The following SLPI variants were observed in gnomAD, a reference collection of about 807,000 sequenced individuals.
SLPI encodes the protein secretory leukocyte peptidase inhibitor.
Under a neutral mutation model 14.3 loss-of-function variants are expected in SLPI, and 20 were observed. That is an observed-to-expected ratio of 1.40 (90% confidence interval 0.99 to 2.04). The LOEUF is 2.04. Ranked by LOEUF, SLPI falls within the 30% of genes most tolerant of loss-of-function variation. The pLI, the probability that SLPI is intolerant of heterozygous loss-of-function variation, is 0.00. For missense variants in SLPI, 169 were observed against 159.4 expected (o/e 1.06, Z -0.32); for synonymous variants, 68 against 54.8 (o/e 1.24, Z -1.07).
At chr20:45,253,224 T>G in intron 2 of SLPI, 73 bp from the exon 3 acceptor site, 1 of 1,535,684 alleles carries the variant, frequency 6.5e-7, no homozygotes, top group East Asian at 2.3e-5. Flanking sequence ...CTTTTTAGAG[T>G]GAGCCCCTGC....
intron 2 of SLPI, 105 bp from the exon 3 acceptor site, chr20:45,253,256 C>G: frequency 7.6e-7 from 1 of 1,320,110 alleles, no homozygotes; most frequent in Non-Finnish European, 1.0e-6. Flanking sequence ...CAGGGGGGAT[C>G]ATCCCCTCCC....
Position 45,253,096 on chromosome 20 carries a change from G to A in SLPI, c.300C>T (p.Asn100=), listed in dbSNP as rs776019233. The A allele has an allele frequency of 2.2e-5, 36 of 1,614,072 alleles. No individual in the cohort carries two copies. In the East Asian group the frequency reaches 7.4e-4, roughly 33 times the overall value. Residue 100 remains asparagine, a synonymous_variant, in exon 3 of 4, where the codon AAC becomes AAT. Coordinates refer to ENST00000338380, the MANE Select transcript of SLPI (RefSeq NM_003064.4). ...PVTYGQCLML[N]PPNFCEMDGQ... Reference sequence around the variant, plus strand: ...CATCCATCTCACAGAAATTGGGGGGGTTAAGCATCAAACATTGGCCATAAG... The same window carrying A: ...CATCCATCTCACAGAAATTGGGGGGATTAAGCATCAAACATTGGCCATAAG...
At chr20:45,253,550 C>G in intron 2 of SLPI, 25 bp downstream of exon 2, 1 of 1,606,472 alleles carries the variant, frequency 6.2e-7, no homozygotes, top group South Asian at 1.1e-5. Flanking sequence ...TCACTCCTCT[C>G]TACCCAGTTC....
chr20:45,253,000 AC>A lies in SLPI; in HGVS notation c.394+1del. The A allele has an allele frequency of 6.2e-7, 1 of 1,613,726 alleles. No individual in the cohort carries two copies. Among genetic ancestry groups the A allele is most frequent in the Non-Finnish European group, 8.5e-7 (1 of 1,179,802 alleles). On this transcript the variant is annotated splice_donor_variant, in intron 3 of 3. Coordinates refer to ENST00000338380, the MANE Select transcript of SLPI (RefSeq NM_003064.4). LOFTEE classifies it high-confidence loss of function. ...CTCAGTGTGCCCTCATCCCCTGCTT[AC>A]CTTTCACAGGGGAAACGCAGGATTT...
rs568492528 is a variant in SLPI at position 45,253,563 on chromosome 20, C to T, written c.244+12G>A. ...GCTCACTCCTCTCTACCCAGTTCCCCGACCTGCTTACTTGGGTTTGGGGTG... is the reference window on the plus strand; with the variant it reads ...GCTCACTCCTCTCTACCCAGTTCCCTGACCTGCTTACTTGGGTTTGGGGTG... On this transcript the variant is annotated intron_variant, in intron 2 of 3. Coordinates refer to ENST00000338380, the MANE Select transcript of SLPI (RefSeq NM_003064.4). 60 of 1,610,778 alleles carry T rather than the reference C, an allele frequency of 3.7e-5. 1 individual carries two copies. The highest frequency in any genetic ancestry group is 1.1e-4 in the East Asian group (5 of 44,858).
At chr20:45,252,884 G>A (rs1984700937) in intron 3 of SLPI, 118 bp downstream of exon 3, 1 of 1,089,740 alleles carries the variant, frequency 9.2e-7, no homozygotes, top group African/African-American at 1.6e-5. Context: ...AAGGGAGTCA[G>A]ACAGAGGCTG....
chr20:45,253,893 T>A (rs1160438190), intron 1 of SLPI, among the ~76,000 whole-genome samples, 160 bp from the exon 2 acceptor site: 1 of 152,076 alleles, frequency 6.6e-6, no homozygotes, highest in Non-Finnish European at 1.5e-5. Context: ...GGTGTATTGA[T>A]GGGCTTGATT....
In SLPI at chr20:45,254,198, T is replaced by TGAGAGAGAGA. The variant is rs144801825; in HGVS notation, c.85+251_85+260dup. On this transcript the variant is annotated intron_variant, in intron 1 of 3. Transcript: ENST00000338380. ...GACAGGTGAAGAAGAAGGCGGAGTA[T>TGAGAGAGAGA]GAGAGAGAGAGAGAGAGAGAGAGAG... is the stretch of plus-strand genomic sequence containing the variant. Among the ~76,000 whole-genome samples the TGAGAGAGAGA allele has an allele frequency of 3.0e-3, 401 of 135,418 alleles. 2 individuals carry two copies. The highest frequency in any genetic ancestry group is 6.2e-3 in the South Asian group (25 of 4,014). The allele number at this position is 135,418 out of a possible 152,430, so 88.8% of individuals were successfully genotyped here. A position where few individuals can be genotyped will look rare whatever the true frequency, so the allele number is the denominator to read the frequency against.
rs1178769006 is a variant in SLPI at position 45,254,454 on chromosome 20, C to T, written c.85+5G>A. Reference sequence around the variant, plus strand: ...CCAGATTAGACCAGAGTGACTCCAACTTACACTTTCCAGAGCCTTCCACAG... The same window carrying T: ...CCAGATTAGACCAGAGTGACTCCAATTTACACTTTCCAGAGCCTTCCACAG... On this transcript the variant is annotated splice_donor_5th_base_variant and intron_variant, in intron 1 of 3. Transcript: ENST00000338380. 1.2e-5 allele frequency: 19 copies of T among 1,613,784 alleles called. No individual in the cohort carries two copies. The highest frequency in any genetic ancestry group is 4.5e-5 in the East Asian group (2 of 44,894).
At chr20:45,252,980 T>C in intron 3 of SLPI, 22 bp downstream of exon 3, 3 of 1,611,028 alleles carry the variant, frequency 1.9e-6, no homozygotes, top group Non-Finnish European at 2.5e-6. Context: ...GGGAGCTCAG[T>C]GTGCCCTCAT....
At position 45,253,770 on chromosome 20, in the gene SLPI, G is replaced by C. The variant is rs901742049; in HGVS notation, c.86-37C>G. 5 of 1,597,538 alleles carry C rather than the reference G, an allele frequency of 3.1e-6. No homozygotes were observed. The African/African-American group carries it at 5.4e-5, about 17-fold the overall frequency. ...AAAGTCAAGAGGTCAGGAGGAGGCT[G>C]GGTACTGAGGACCCATCATGCCTCC... On this transcript the variant is annotated intron_variant, in intron 1 of 3. Transcript: ENST00000338380.
Position 45,253,078 on chromosome 20 carries a change from C to T in SLPI, c.318G>A (p.Glu106=), listed in dbSNP as rs1984709036. Residue 106 remains glutamate, a synonymous_variant, in exon 3 of 4, where the codon GAG becomes GAA. Coordinates refer to ENST00000338380, the MANE Select transcript of SLPI (RefSeq NM_003064.4). ...AGTCACGCTTGCACTGGCCATCCAT[C>T]TCACAGAAATTGGGGGGGTTAAGCA... ...CLMLNPPNFC[E]MDGQCKRDLK... The T allele has an allele frequency of 1.9e-6, 3 of 1,614,228 alleles. No homozygotes were observed. Among genetic ancestry groups the T allele is most frequent in the Non-Finnish European group, 2.5e-6 (3 of 1,180,032 alleles).
chr20:45,253,271 T>C (rs528203074), intron 2 of SLPI, 120 bp from the exon 3 acceptor site: 2 of 1,196,392 alleles, frequency 1.7e-6, no homozygotes, highest in Admixed American at 2.3e-5. Context: ...CCTCCCCACC[T>C]CTATCACCAC....
chr20:45,253,819 G>C, intron 1 of SLPI, 86 bp from the exon 2 acceptor site: 1 of 1,271,308 alleles, frequency 7.9e-7, no homozygotes, highest in Non-Finnish European at 1.1e-6. Context: ...ACTTTTGAGG[G>C]GGAGAGACCC....
intron 2 of SLPI, 40 bp from the exon 3 acceptor site, chr20:45,253,191 T>TTA: frequency 6.2e-7 from 1 of 1,600,008 alleles, no homozygotes; most frequent in Non-Finnish European, 8.5e-7. Context: ...GCCTTGTACT[T>TTA]TATACAACCC....
intron 2 of SLPI, 80 bp downstream of exon 2, chr20:45,253,495 G>T: frequency 7.3e-7 from 1 of 1,364,636 alleles, no homozygotes; most frequent in Non-Finnish European, 1.0e-6. Context: ...AGGCCTGGCA[G>T]GACCCATCAC....
Position 45,252,477 on chromosome 20 carries a change from A to T in SLPI, c.395-58T>A. 1.9e-6 allele frequency: 3 copies of T among 1,589,714 alleles called. No homozygotes were observed. In the Admixed American group the frequency reaches 5.0e-5, roughly 27 times the overall value. ...TAGAAACCAGCCAAATCATATCCAC[A>T]TCCTTCCTCCTGCCCAAGGATCCTT... is the stretch of plus-strand genomic sequence containing the variant. On this transcript the variant is annotated intron_variant, in intron 3 of 3. Transcript: ENST00000338380.
In SLPI at chr20:45,253,876, A is replaced by T. The variant is rs969406645; in HGVS notation, c.86-143T>A. On this transcript the variant is annotated intron_variant, in intron 1 of 3. Coordinates refer to ENST00000338380, the MANE Select transcript of SLPI (RefSeq NM_003064.4). ...AAGCCCAAAGGGTCATGCCTGCCTG[A>T]TCTCCAGGTGTATTGATGGGCTTGA... 7.4e-6 allele frequency: 5 copies of T among 675,590 alleles called. No individual in the cohort carries two copies. The East Asian group carries it at 1.0e-4, about 14-fold the overall frequency. 41.8% of individuals were successfully genotyped at this position (675,590 alleles called of 1,614,324 possible). A position where few individuals can be genotyped will look rare whatever the true frequency, so the allele number is the denominator to read the frequency against.
Position 45,252,279 on chromosome 20 carries a change from C to T in SLPI, c.*136G>A. The T allele has an allele frequency of 1.4e-6, 1 of 695,422 alleles. No homozygotes were observed. The allele number at this position is 695,422 out of a possible 1,614,324, so 43.1% of individuals were successfully genotyped here. On this transcript the variant is annotated 3_prime_UTR_variant, in exon 4 of 4. Coordinates refer to ENST00000338380, the MANE Select transcript of SLPI (RefSeq NM_003064.4). ...GCTCGTTTATTTATTCATTGATCAA[C>T]TGGCACTTCTTGAAAGCCTGCTGTG...
Sources: allele counts gnomAD v4.1 joint callset (sites outside exome capture counted in the v4.1 genomes callset), GRCh38; gene constraint gnomAD v4.1.1; transcripts MANE v1.5; gene names NCBI Gene and HGNC (gene_info 2026-07-23, HGNC 2026-07-21).